COPS5: variants seen among roughly 807,000 people sequenced by gnomAD.
The protein encoded by COPS5 is COP9 signalosome subunit 5, also known as COP9 signalosome complex subunit 5.
A neutral mutation model predicts 44.4 loss-of-function variants in COPS5; 8 were observed. The observed-to-expected ratio is 0.18, with a 90% CI of 0.11 to 0.32. COPS5 has a LOEUF of 0.32. Among genes scored for constraint, COPS5 ranks in the 10% least tolerant of loss-of-function variants. The pLI, the probability that COPS5 is intolerant of heterozygous loss-of-function variation, is 1.00. For missense variants in COPS5, 159 were observed against 406.4 expected (o/e 0.39, Z 5.23); for synonymous variants, 122 against 142.8 (o/e 0.85, Z 1.04).
At chr8:67,043,373 C>A (rs1450428253) in intron 7 of COPS5, 56 bp from the exon 8 acceptor site, 2 of 1,100,818 alleles carry the variant, frequency 1.8e-6, no homozygotes, top group Non-Finnish European at 2.7e-6. Flanking sequence ...ATTTCAAACA[C>A]ACAAGATCAG....
intron 6 of COPS5, chr8:67,047,578 C>T (rs1274617028): frequency 3.0e-5 from 12 of 401,220 alleles, no homozygotes; most frequent in South Asian, 8.1e-5. Flanking sequence ...CTATAATTAA[C>T]GTCCTTAGCT....
chr8:67,047,048 G>A (rs574396849), intron 6 of COPS5, among the ~76,000 whole-genome samples: 2 of 152,006 alleles, frequency 1.3e-5, no homozygotes, highest in African/African-American at 2.4e-5. Flanking sequence ...TTTTTATGGG[G>A]TATCACTTTT....
intron 1 of COPS5, chr8:67,060,463 C>T (rs1476675021): frequency 7.8e-7 from 1 of 1,289,130 alleles, no homozygotes; most frequent in Non-Finnish European, 1.0e-6. Flanking sequence ...TAAGCTTTGC[C>T]AGATTTCAAC....
Position 67,047,611 on chromosome 8 carries a change from T to C in COPS5, c.772-1651A>G, listed in dbSNP as rs112462277. On this transcript the variant is annotated intron_variant, in intron 6 of 7. Coordinates refer to ENST00000357849, the MANE Select transcript of COPS5 (RefSeq NM_006837.3). ...GCTGGGGGAAGAGAGAAGTTGAACA[T>C]ATATCTACATATTTGTTCTTAAAAT... 131 of 452,546 alleles carry C rather than the reference T, an allele frequency of 2.9e-4. 1 individual carries two copies. Among genetic ancestry groups the C allele is most frequent in the African/African-American group, 2.0e-3 (106 of 51,930 alleles). The allele number at this position is 452,546 out of a possible 1,614,324, so 28.0% of individuals were successfully genotyped here.
Position 67,061,988 on chromosome 8 carries a change from C to T in COPS5, c.9G>A (p.Ala3=), listed in dbSNP as rs1804653296. 1 of 1,614,118 alleles carries T rather than the reference C, an allele frequency of 6.2e-7. No individual in the cohort carries two copies. Among genetic ancestry groups the T allele is most frequent in the Non-Finnish European group, 8.5e-7 (1 of 1,180,054 alleles). ...TTTTCTGGGCCATACCGCTCCCGGA[C>T]GCCGCCATCGCCGAGGAAGCGGAGA... is the stretch of plus-strand genomic sequence containing the variant. MA[A]SGSGMAQKTW... is the part of the protein sequence containing the mutation. The change falls in exon 1 of 8, where the codon GCG becomes GCA. Residue 3 remains alanine (A), a synonymous_variant. Coordinates refer to ENST00000357849, the MANE Select transcript of COPS5 (RefSeq NM_006837.3).
intron 7 of COPS5, 158 bp downstream of exon 7, chr8:67,045,654 T>G (rs913590283): frequency 2.9e-6 from 2 of 697,344 alleles, no homozygotes; most frequent in African/African-American, 1.8e-5. Context: ...TTAAAACTTG[T>G]GTCTGACAAC....
intron 5 of COPS5, among the ~76,000 whole-genome samples, chr8:67,055,353 C>A (rs765942107): frequency 6.6e-6 from 1 of 152,102 alleles, no homozygotes; most frequent in Non-Finnish European, 1.5e-5. Context: ...CAGAATCAGT[C>A]TGGCTGAAAA....
intron 2 of COPS5, 49 bp downstream of exon 2, chr8:67,059,162 T>C (rs1188816887): frequency 7.2e-7 from 1 of 1,379,644 alleles, no homozygotes; most frequent in South Asian, 1.2e-5. Context: ...AAAAGTCACC[T>C]TGAGACTCTA....
chr8:67,060,435 G>T lies in COPS5; in HGVS notation c.144-990C>A, dbSNP rs765002659. 1.2e-5 allele frequency: 16 copies of T among 1,288,116 alleles called. 1 individual carries two copies. The African/African-American group carries it at 2.3e-4, about 18-fold the overall frequency. The allele number at this position is 1,288,116 out of a possible 1,614,324, so 79.8% of individuals were successfully genotyped here. On this transcript the variant is annotated intron_variant, in intron 1 of 7. Transcript: ENST00000357849. ...CTTTTTAGATGTCTGCCCACAGAAAGAATCCAAATTTAATTCCTAAGCTTT... is the reference window on the plus strand; with the variant it reads ...CTTTTTAGATGTCTGCCCACAGAAATAATCCAAATTTAATTCCTAAGCTTT...
chr8:67,046,520 C>T (rs1253745590), intron 6 of COPS5, among the ~76,000 whole-genome samples: 1 of 151,984 alleles, frequency 6.6e-6, no homozygotes, highest in Non-Finnish European at 1.5e-5. Context: ...ATAAAAATAA[C>T]ATTTTAAAAG....
chr8:67,049,997 C>T (rs1194494552), intron 6 of COPS5, among the ~76,000 whole-genome samples: 2 of 149,810 alleles, frequency 1.3e-5, no homozygotes, highest in East Asian at 3.9e-4. Flanking sequence ...TTCAGTGATA[C>T]TCTCTTTTTT....
At chr8:67,044,203 C>T (rs2129537688) in intron 7 of COPS5, 1 of 152,196 alleles carries the variant, frequency 6.6e-6, no homozygotes, top group Admixed American at 6.5e-5. Context: ...CCACCATGCC[C>T]AGCTAATTTT....
intron 1 of COPS5, 181 bp from the exon 2 acceptor site, chr8:67,059,626 T>C (rs1804557319): frequency 6.7e-6 from 4 of 593,830 alleles, no homozygotes; most frequent in Non-Finnish European, 1.2e-5. Context: ...AAGTATGTCA[T>C]AGTGCAGCAA....
intron 4 of COPS5, among the ~76,000 whole-genome samples, chr8:67,056,872 T>G (rs935394655): frequency 6.6e-6 from 1 of 151,712 alleles, no homozygotes; most frequent in African/African-American, 2.4e-5. Context: ...CTTACAGATT[T>G]ATTTTTCTTC....
intron 1 of COPS5, chr8:67,060,826 TG>T (rs952908740): frequency 2.2e-5 from 5 of 229,830 alleles, no homozygotes; most frequent in Non-Finnish European, 4.4e-5. Flanking sequence ...TTTTTTAATT[TG>T]TAACAAAAGG....
At chr8:67,047,804 T>TG (rs1386269605) in intron 6 of COPS5, 1 of 702,526 alleles carries the variant, frequency 1.4e-6, no homozygotes, top group Admixed American at 2.0e-5. Context: ...GTCTTAACAG[T>TG]GTTTTCTCCC....
intron 1 of COPS5, chr8:67,060,621 C>A: frequency 1.8e-6 from 1 of 568,378 alleles, no homozygotes; most frequent in Non-Finnish European, 2.8e-6. Flanking sequence ...TACATTATCT[C>A]ACCTAATCTC....
intron 1 of COPS5, 26 bp downstream of exon 1, chr8:67,061,828 C>A: frequency 6.2e-7 from 1 of 1,612,584 alleles, no homozygotes; most frequent in South Asian, 1.1e-5. Context: ...TTTCCCTCCC[C>A]TGCGTCTCGC....
chr8:67,045,497 A>T (rs920394082), intron 7 of COPS5: 1 of 284,922 alleles, frequency 3.5e-6, no homozygotes, highest in Non-Finnish European at 6.7e-6. Flanking sequence ...ACACACACAC[A>T]CACTTTAAAG....
Sources: gnomAD v4.1 joint callset for allele counts (sites outside exome capture counted in the v4.1 genomes callset) on GRCh38, gnomAD v4.1.1 for gene constraint, MANE v1.5 for transcripts, NCBI Gene and HGNC (gene_info 2026-07-23, HGNC 2026-07-21) for gene names.